Variants in KCNB2 observed in about 807,000 individuals in gnomAD.
The protein encoded by KCNB2 is delayed rectifier potassium channel protein.
A neutral mutation model predicts 61.5 loss-of-function variants in KCNB2; 15 were observed. The observed-to-expected ratio is 0.24, with a 90% CI of 0.16 to 0.38. KCNB2 has a LOEUF of 0.38. KCNB2 is among the 10% of genes least tolerant of loss of function. The pLI is 1.00. For synonymous variants in KCNB2, 457 were observed against 446.0 expected (o/e 1.02, Z -0.31); for missense variants, 828 against 1,125.2 (o/e 0.74, Z 3.78).
intron 2 of KCNB2, among the ~76,000 whole-genome samples, chr8:72,670,784 C>T (rs980852114): frequency 4.6e-5 from 7 of 152,142 alleles, no homozygotes; most frequent in African/African-American, 7.2e-5. Context: ...AATTGGATCA[C>T]CCCTTGGCCC....
chr8:72,732,365 A>T (rs905632929), intron 2 of KCNB2, among the ~76,000 whole-genome samples: 1 of 152,188 alleles, frequency 6.6e-6, no homozygotes, highest in African/African-American at 2.4e-5. Context: ...CTTGTGTGAC[A>T]AGCTGTAGTG....
At chr8:72,581,298 G>C (rs112808253) in intron 2 of KCNB2, among the ~76,000 whole-genome samples, 2,483 of 152,202 alleles carry the variant, frequency 0.016, 58 homozygotes, top group African/African-American at 0.053. Context: ...CTCCTGTGAG[G>C]TCTGCCTGAT....
rs869160203 is a variant in KCNB2 at position 72,597,001 on chromosome 8, C to CTTTT, written c.579+28726_579+28729dup. ...GCATGCTTGCTTGCTTGCTTGCTTG[C>CTTTT]TTTTTTTTTTTTTTTTTTTTTTTTT... On this transcript the variant is annotated intron_variant, in intron 2 of 2. Transcript: ENST00000523207. 4.4e-3 allele frequency among the ~76,000 whole-genome samples: 287 copies of CTTTT among 64,646 alleles called. 41 individuals carry two copies. Among genetic ancestry groups the CTTTT allele is most frequent in the East Asian group, 6.9e-3 (11 of 1,594 alleles). The allele number at this position is 64,646 out of a possible 152,430, so 42.4% of individuals were successfully genotyped here.
intron 2 of KCNB2, among the ~76,000 whole-genome samples, chr8:72,582,081 G>A (rs756936310): frequency 1.9e-4 from 29 of 152,174 alleles, no homozygotes; most frequent in Non-Finnish European, 3.2e-4. Context: ...TTACCAACTC[G>A]TCTGAGTCTA....
chr8:72,613,065 A>G (rs1805564831), intron 2 of KCNB2, among the ~76,000 whole-genome samples: 1 of 152,208 alleles, frequency 6.6e-6, no homozygotes, highest in South Asian at 2.1e-4. Flanking sequence ...AGAAAACTAG[A>G]TAACAATGGC....
intron 2 of KCNB2, among the ~76,000 whole-genome samples, chr8:72,659,829 A>G (rs1360918064): frequency 6.6e-6 from 1 of 152,204 alleles, no homozygotes; most frequent in Non-Finnish European, 1.5e-5. Flanking sequence ...TACATTTTTT[A>G]TTAGACATAA....
chr8:72,803,328 GT>G, intron 2 of KCNB2, among the ~76,000 whole-genome samples: 2 of 152,138 alleles, frequency 1.3e-5, no homozygotes, highest in Middle Eastern at 6.8e-3. Context: ...CTCCAGAATG[GT>G]TTCAGATGCC....
At chr8:72,705,063 A>T (rs1414369061) in intron 2 of KCNB2, among the ~76,000 whole-genome samples, 1 of 152,128 alleles carries the variant, frequency 6.6e-6, no homozygotes, top group East Asian at 1.9e-4. Context: ...TGACTGTATG[A>T]AGCTGTGGGA....
chr8:72,675,076 A>G (rs1461831388), intron 2 of KCNB2, among the ~76,000 whole-genome samples: 4 of 152,224 alleles, frequency 2.6e-5, no homozygotes, highest in African/African-American at 9.7e-5. Flanking sequence ...AACTAAATGT[A>G]GAAATGACTA....
intron 2 of KCNB2, among the ~76,000 whole-genome samples, chr8:72,799,024 A>G (rs1809077215): frequency 6.6e-6 from 1 of 152,084 alleles, no homozygotes; most frequent in Non-Finnish European, 1.5e-5. Flanking sequence ...AAGTATCTCA[A>G]CGGGAGTCTC....
At chr8:72,808,481 C>T (rs1809257772) in intron 2 of KCNB2, among the ~76,000 whole-genome samples, 1 of 152,162 alleles carries the variant, frequency 6.6e-6, no homozygotes, top group Admixed American at 6.5e-5. Context: ...TGAATGAAAA[C>T]TGTTCAGCAC....
intron 2 of KCNB2, among the ~76,000 whole-genome samples, chr8:72,896,787 C>G (rs1805996043): frequency 6.6e-6 from 1 of 152,188 alleles, no homozygotes; most frequent in East Asian, 1.9e-4. Context: ...TCTTCTACAT[C>G]TAGGCTCTGT....
At chr8:72,637,562 A>G (rs1805986618) in intron 2 of KCNB2, among the ~76,000 whole-genome samples, 2 of 152,120 alleles carry the variant, frequency 1.3e-5, no homozygotes, top group Admixed American at 6.6e-5. Flanking sequence ...TGTAAACAGC[A>G]CTGCCAGTGA....
chr8:72,822,362 A>G (rs1809526141), intron 2 of KCNB2, among the ~76,000 whole-genome samples: 1 of 152,250 alleles, frequency 6.6e-6, no homozygotes, highest in African/African-American at 2.4e-5. Context: ...GAATGACGTG[A>G]CAGTCTAGTT....
chr8:72,838,010 G>T (rs1482426507), intron 2 of KCNB2, among the ~76,000 whole-genome samples: 1 of 152,018 alleles, frequency 6.6e-6, no homozygotes, highest in South Asian at 2.1e-4. Flanking sequence ...ATTAGGTTTT[G>T]TGCCATTAAC....
chr8:72,725,591 G>GTGTATA (rs368891799), intron 2 of KCNB2, among the ~76,000 whole-genome samples: 1 of 51,956 alleles, frequency 1.9e-5, no homozygotes, highest in African/African-American at 6.5e-5. Flanking sequence ...ATATATGTAT[G>GTGTATA]TATATATATA....
At chr8:72,814,979 G>C (rs1054409489) in intron 2 of KCNB2, among the ~76,000 whole-genome samples, 1 of 152,110 alleles carries the variant, frequency 6.6e-6, no homozygotes, top group African/African-American at 2.4e-5. Context: ...GCAGAGCCAA[G>C]CAAAGAGATA....
chr8:72,566,407 G>A (rs1585755269), intron 1 of KCNB2, among the ~76,000 whole-genome samples: 1 of 152,114 alleles, frequency 6.6e-6, no homozygotes, highest in Admixed American at 6.6e-5. Flanking sequence ...TGTATTAGAA[G>A]TGTAGGCAAG....
intron 1 of KCNB2, among the ~76,000 whole-genome samples, chr8:72,551,027 A>G (rs1376846335): frequency 1.3e-5 from 2 of 152,166 alleles, no homozygotes; most frequent in Admixed American, 1.3e-4. Flanking sequence ...TACACAGTTA[A>G]GACATCTCCA....
Sources: gnomAD v4.1 joint callset for allele counts (sites outside exome capture counted in the v4.1 genomes callset) on GRCh38, gnomAD v4.1.1 for gene constraint, MANE v1.5 for transcripts, NCBI Gene and HGNC (gene_info 2026-07-23, HGNC 2026-07-21) for gene names.